TAFA4: variants seen among roughly 807,000 people sequenced by gnomAD.
TAFA4 encodes the protein TAFA chemokine like family member 4.
In TAFA4, 20 loss-of-function variants were observed where a neutral mutation model predicts 21.1. The ratio of observed to expected loss-of-function variants is 0.95; its 90% CI spans 0.67 to 1.38. The LOEUF is 1.38. Among genes scored for constraint, TAFA4 ranks in the 40% most tolerant of loss-of-function variants. TAFA4 has a pLI of 0.00. For synonymous variants in TAFA4, 71 were observed against 67.4 expected (o/e 1.05, Z -0.26); for missense variants, 211 against 180.9 (o/e 1.17, Z -0.95).
At chr3:68,808,598 T>C (rs75508378) in intron 3 of TAFA4, among the ~76,000 whole-genome samples, 3,693 of 152,290 alleles carry the variant, frequency 0.024, 151 homozygotes, top group African/African-American at 0.085. Context: ...GATTTCCCCA[T>C]GACAAATTCC....
chr3:68,824,187 C>G (rs1254551498), intron 3 of TAFA4, among the ~76,000 whole-genome samples: 7 of 152,142 alleles, frequency 4.6e-5, no homozygotes, highest in Admixed American at 4.6e-4. Context: ...ATAATTTTTT[C>G]TATTACTGCT....
At chr3:68,867,166 G>T (rs187335192) in intron 3 of TAFA4, among the ~76,000 whole-genome samples, 162 of 152,118 alleles carry the variant, frequency 1.1e-3, no homozygotes, top group Non-Finnish European at 1.7e-3. Context: ...GAAAAAGAGA[G>T]GATGCTAAAA....
At chr3:68,833,442 C>T (rs35620705) in intron 3 of TAFA4, among the ~76,000 whole-genome samples, 65,389 of 151,998 alleles carry the variant, frequency 0.43, 14,516 homozygotes, top group African/African-American at 0.47. Context: ...GAAAATGGAG[C>T]TTATGTGAAA....
intron 3 of TAFA4, among the ~76,000 whole-genome samples, chr3:68,856,063 GT>G (rs1339679958): frequency 4.6e-5 from 7 of 151,966 alleles, no homozygotes; most frequent in Non-Finnish European, 7.4e-5. Context: ...ATTTGTACCA[GT>G]TCTGGACTAC....
intron 3 of TAFA4, among the ~76,000 whole-genome samples, chr3:68,775,806 T>C (rs919199434): frequency 6.6e-6 from 1 of 152,146 alleles, no homozygotes; most frequent in Admixed American, 6.5e-5. Flanking sequence ...CCTGGCCTGA[T>C]AGCAGAAGAG....
chr3:68,856,643 G>A (rs1407170552), intron 3 of TAFA4, among the ~76,000 whole-genome samples: 1 of 152,096 alleles, frequency 6.6e-6, no homozygotes, highest in Non-Finnish European at 1.5e-5. Context: ...ATAAAAAGCA[G>A]ATATTACAGG....
intron 3 of TAFA4, among the ~76,000 whole-genome samples, chr3:68,797,399 G>T (rs978220028): frequency 1.3e-5 from 2 of 152,008 alleles, no homozygotes; most frequent in Non-Finnish European, 1.5e-5. Flanking sequence ...GGATCACGAG[G>T]TCAGGAGAAC....
chr3:68,854,319 G>A (rs1169227469), intron 3 of TAFA4, among the ~76,000 whole-genome samples: 1 of 152,048 alleles, frequency 6.6e-6, no homozygotes, highest in Non-Finnish European at 1.5e-5. Context: ...ATCAGGGATA[G>A]AGCCAGGACT....
intron 3 of TAFA4, among the ~76,000 whole-genome samples, chr3:68,760,674 A>G (rs1046243274): frequency 2.0e-5 from 3 of 152,208 alleles, no homozygotes; most frequent in Non-Finnish European, 4.4e-5. Flanking sequence ...GGCTAAATAC[A>G]AGATTTCATG....
intron 3 of TAFA4, among the ~76,000 whole-genome samples, chr3:68,830,030 G>T (rs771562908): frequency 9.9e-5 from 15 of 152,120 alleles, no homozygotes; most frequent in Non-Finnish European, 2.2e-4. Context: ...TATCAGTGGT[G>T]ATATCCCTTT....
At chr3:68,804,926 T>C (rs1703660617) in intron 3 of TAFA4, among the ~76,000 whole-genome samples, 1 of 152,134 alleles carries the variant, frequency 6.6e-6, no homozygotes, top group Admixed American at 6.5e-5. Flanking sequence ...CCAAAAGCAA[T>C]GGCAACAAAA....
intron 1 of TAFA4, among the ~76,000 whole-genome samples, chr3:68,889,606 T>C (rs149684944): frequency 2.0e-5 from 3 of 152,296 alleles, no homozygotes; most frequent in African/African-American, 4.8e-5. Flanking sequence ...ATTTCCCCCA[T>C]CTTTTCACTC....
Position 68,752,883 on chromosome 3 carries a change from G to C in TAFA4, c.266C>G (p.Ala89Gly). 1 of 1,614,070 alleles carries C rather than the reference G, an allele frequency of 6.2e-7. No homozygotes were observed. Among genetic ancestry groups the C allele is most frequent in the Non-Finnish European group, 8.5e-7 (1 of 1,180,024 alleles). Reference protein sequence around the residue: ...FPGQVAGTTRAQPSCVEASIV... With the variant: ...FPGQVAGTTRGQPSCVEASIV... ...CTTACCTTCAACACAAGAAGGTTGA[G>C]CCCGAGTTGTGCCCGCCACCTGTCC... The change falls in exon 4 of 6, where the codon GCT becomes GGT. Residue 89 changes from alanine (A) to glycine (G), a missense_variant. Transcript: ENST00000295569.
At chr3:68,922,278 G>C (rs1057462571) in intron 1 of TAFA4, among the ~76,000 whole-genome samples, 1 of 152,128 alleles carries the variant, frequency 6.6e-6, no homozygotes, top group African/African-American at 2.4e-5. Flanking sequence ...CAGACTTATT[G>C]AATCACAAAC....
chr3:68,873,236 C>T (rs1232198857), intron 3 of TAFA4, among the ~76,000 whole-genome samples: 1 of 151,762 alleles, frequency 6.6e-6, no homozygotes, highest in Non-Finnish European at 1.5e-5. Flanking sequence ...AACAACCTTG[C>T]TCTCACCTGG....
chr3:68,857,243 TG>T (rs997715851), intron 3 of TAFA4, among the ~76,000 whole-genome samples: 2 of 152,160 alleles, frequency 1.3e-5, no homozygotes, highest in African/African-American at 4.8e-5. Context: ...TGCAGCTATC[TG>T]GGTGGCACAA....
intron 3 of TAFA4, among the ~76,000 whole-genome samples, chr3:68,855,176 A>G (rs576702959): frequency 1.3e-5 from 2 of 152,346 alleles, no homozygotes; most frequent in Admixed American, 1.3e-4. Context: ...CCAACACCAA[A>G]GAGTTCAATT....
chr3:68,812,661 C>T (rs371123218), intron 3 of TAFA4, among the ~76,000 whole-genome samples: 2 of 152,134 alleles, frequency 1.3e-5, no homozygotes, highest in East Asian at 3.9e-4. Context: ...ACAGGAGCAC[C>T]CAGATTCATA....
rs139987653 is a variant in TAFA4, at chr3:68,827,887, T to C, written c.130+52843A>G. 2.5e-3 allele frequency among the ~76,000 whole-genome samples: 386 copies of C among 152,344 alleles called. 2 individuals are homozygous for C. Among genetic ancestry groups the C allele is most frequent in the African/African-American group, 9.0e-3 (376 of 41,584 alleles). ...CTGTGCAGAAGCTCTTTGGTTTAAT[T>C]AGATCCCATTTGTCAAGTTTGGCTT... On this transcript the variant is annotated intron_variant, in intron 3 of 5. Coordinates refer to ENST00000295569, the MANE Select transcript of TAFA4 (RefSeq NM_182522.5).
Sources: allele counts gnomAD v4.1 joint callset (sites outside exome capture counted in the v4.1 genomes callset), GRCh38; gene constraint gnomAD v4.1.1; transcripts MANE v1.5; gene names NCBI Gene and HGNC (gene_info 2026-07-23, HGNC 2026-07-21).